HTR2C: variants seen among roughly 807,000 people sequenced by gnomAD.
HTR2C encodes 5-hydroxytryptamine (serotonin) receptor 2C, G protein-coupled.
In HTR2C, 5 loss-of-function variants were observed where a neutral mutation model predicts 21.0. That is an observed-to-expected ratio of 0.24 (90% confidence interval 0.12 to 0.50). The LOEUF (loss-of-function observed/expected upper bound fraction) is 0.50. Ranked by LOEUF, HTR2C falls within the 20% of genes least tolerant of loss-of-function variation. HTR2C has a pLI of 0.98. For missense variants in HTR2C, 271 were observed against 371.2 expected (o/e 0.73, Z 2.22); for synonymous variants, 150 against 145.3 (o/e 1.03, Z -0.23).
chrX:114,615,515 G>A (rs1397487857), intron 2 of HTR2C, among the ~76,000 whole-genome samples: 5 of 111,956 alleles, frequency 4.5e-5, no homozygotes, highest in African/African-American at 9.7e-5. Flanking sequence ...CAATGCGTTG[G>A]TGAAATAGGT....
intron 4 of HTR2C, among the ~76,000 whole-genome samples, chrX:114,821,224 G>A (rs913612566): frequency 1.3e-5 from 1 of 77,400 alleles, no homozygotes; most frequent in Non-Finnish European, 2.6e-5. Flanking sequence ...GCAGATATGA[G>A]TACGTACAGA....
At chrX:114,691,883 T>C (rs1438807808) in intron 2 of HTR2C, among the ~76,000 whole-genome samples, 1 of 112,013 alleles carries the variant, frequency 8.9e-6, no homozygotes, top group Non-Finnish European at 1.9e-5. Context: ...CTTGGAATTT[T>C]TGAAACCTTA....
In HTR2C at chrX:114,644,206, C is replaced by T. The variant is rs1270538926; in HGVS notation, c.-80+30325C>T. Among the ~76,000 whole-genome samples, 3 of 104,550 alleles carry T rather than the reference C, an allele frequency of 2.9e-5. No homozygotes were observed. The East Asian group carries it at 9.1e-4, about 32-fold the overall frequency. The allele number at this position is 104,550 out of a possible 115,157, so 90.8% of individuals were successfully genotyped here. On this transcript the variant is annotated intron_variant, in intron 2 of 5. Transcript: ENST00000276198. Reference sequence around the variant, plus strand: ...AAAAATACAAACAAAATTAGTCTGGCATGGTGGCGCACACCTGTAATCCTA... The same window carrying T: ...AAAAATACAAACAAAATTAGTCTGGTATGGTGGCGCACACCTGTAATCCTA...
intron 2 of HTR2C, chrX:114,652,613 A>G: frequency 2.7e-6 from 1 of 364,726 alleles, no homozygotes; most frequent in Non-Finnish European, 5.5e-6. Context: ...AAATATCATA[A>G]CATATTCAAC....
chrX:114,878,133 G>A (rs2071153373), intron 5 of HTR2C, among the ~76,000 whole-genome samples: 2 of 110,108 alleles, frequency 1.8e-5, no homozygotes, highest in Admixed American at 1.9e-4. Flanking sequence ...ATATATTTGT[G>A]CTTCAGAGTT....
intron 4 of HTR2C, among the ~76,000 whole-genome samples, chrX:114,811,724 TA>T (rs781847077): frequency 1.8e-5 from 2 of 112,197 alleles, no homozygotes; most frequent in East Asian, 2.8e-4. Flanking sequence ...GAAAAGAAGA[TA>T]GGGGGCAAGT....
chrX:114,844,681 A>G (rs1383728430), intron 4 of HTR2C, among the ~76,000 whole-genome samples: 1 of 111,950 alleles, frequency 8.9e-6, no homozygotes, highest in East Asian at 2.8e-4. Context: ...GATATTCCAT[A>G]CAAACAGTAA....
At chrX:114,864,850 C>G (rs2071032822) in intron 5 of HTR2C, among the ~76,000 whole-genome samples, 1 of 108,780 alleles carries the variant, frequency 9.2e-6, no homozygotes, top group African/African-American at 3.3e-5. Flanking sequence ...GCTTGGCTGA[C>G]AGTTTTGTTT....
chrX:114,669,130 CT>C (rs1398509822), intron 2 of HTR2C, among the ~76,000 whole-genome samples: 10 of 109,719 alleles, frequency 9.1e-5, no homozygotes, highest in Non-Finnish European at 1.7e-4. Flanking sequence ...ACTAATTAGT[CT>C]TTTTCATTGC....
chrX:114,675,364 C>G (rs1298318517), intron 2 of HTR2C, among the ~76,000 whole-genome samples: 2 of 112,111 alleles, frequency 1.8e-5, no homozygotes, highest in South Asian at 3.7e-4. Context: ...AATTTCAACT[C>G]TTATAGTAGT....
intron 5 of HTR2C, among the ~76,000 whole-genome samples, chrX:114,893,809 C>A (rs782331357): frequency 1.8e-5 from 2 of 111,749 alleles, no homozygotes; most frequent in South Asian, 3.7e-4. Flanking sequence ...TGACAAAAGA[C>A]GTGTATGCAA....
chrX:114,587,161 C>A (rs1451810118), intron 1 of HTR2C, among the ~76,000 whole-genome samples: 1 of 111,469 alleles, frequency 9.0e-6, no homozygotes, highest in Non-Finnish European at 1.9e-5. Context: ...TTATAGTAAC[C>A]AACATTAAAT....
At chrX:114,696,109 T>C (rs181201412) in intron 2 of HTR2C, among the ~76,000 whole-genome samples, 1 of 111,754 alleles carries the variant, frequency 8.9e-6, no homozygotes, top group African/African-American at 3.2e-5. Context: ...GCATGCTTTA[T>C]ATATTATTGA....
At chrX:114,710,087 A>G (rs145651038) in intron 2 of HTR2C, among the ~76,000 whole-genome samples, 2,231 of 111,743 alleles carry the variant, frequency 0.02, 64 homozygotes, top group African/African-American at 0.069. Flanking sequence ...AGGACGTTGA[A>G]TAAGTCATTT....
At chrX:114,623,906 G>GTT (rs35930521) in intron 2 of HTR2C, among the ~76,000 whole-genome samples, 2,151 of 69,262 alleles carry the variant, frequency 0.031, 98 homozygotes, top group Middle Eastern at 0.062. Flanking sequence ...TTTTGTTGTT[G>GTT]TTTTTTTTTT....
At chrX:114,688,245 T>A (rs190268529) in intron 2 of HTR2C, among the ~76,000 whole-genome samples, 5 of 103,122 alleles carry the variant, frequency 4.8e-5, no homozygotes, top group Non-Finnish European at 9.8e-5. Context: ...CGCTTGAACC[T>A]GGGAGGCAGG....
At chrX:114,828,938 T>G (rs1281322534) in intron 4 of HTR2C, among the ~76,000 whole-genome samples, 1 of 112,295 alleles carries the variant, frequency 8.9e-6, no homozygotes, top group Admixed American at 9.5e-5. Context: ...AATACTCCAT[T>G]ATCTGAATAT....
intron 2 of HTR2C, among the ~76,000 whole-genome samples, chrX:114,719,124 A>T (rs1255289295): frequency 9.3e-6 from 1 of 107,483 alleles, no homozygotes; most frequent in Non-Finnish European, 1.9e-5. Flanking sequence ...ATAAAATCTC[A>T]TTAAAAATTA....
At chrX:114,725,856 G>C (rs1393420414) in intron 2 of HTR2C, among the ~76,000 whole-genome samples, 5 of 109,811 alleles carry the variant, frequency 4.6e-5, no homozygotes, top group Non-Finnish European at 7.6e-5. Context: ...CCCACTTGAG[G>C]AGGCAGTCTG....
Sources: allele counts gnomAD v4.1 joint callset (sites outside exome capture counted in the v4.1 genomes callset), GRCh38; gene constraint gnomAD v4.1.1; transcripts MANE v1.5; gene names NCBI Gene and HGNC (gene_info 2026-07-23, HGNC 2026-07-21).